The following PCCA variants were observed in gnomAD, a reference collection of about 807,000 sequenced individuals.
The protein encoded by PCCA is propionyl-CoA carboxylase subunit alpha, also known as propionyl-CoA carboxylase alpha chain, mitochondrial.
Under a neutral mutation model 101.3 loss-of-function variants are expected in PCCA, and 74 were observed. The observed-to-expected ratio is 0.73, with a 90% CI of 0.61 to 0.89. PCCA has a LOEUF of 0.89. Ranked by LOEUF, PCCA falls within the 40% of genes least tolerant of loss-of-function variation. The probability of loss-of-function intolerance (pLI) is 0.00; values close to 1 mark genes in which losing one functional copy is unlikely to be tolerated. For missense variants in PCCA, 891 were observed against 907.0 expected (o/e 0.98, Z 0.23); for synonymous variants, 294 against 313.6 (o/e 0.94, Z 0.66).
chr13:100,432,828 T>G (rs1425353324), intron 20 of PCCA, among the ~76,000 whole-genome samples: 1 of 152,194 alleles, frequency 6.6e-6, no homozygotes, highest in Non-Finnish European at 1.5e-5. Flanking sequence ...TAGAAACCAC[T>G]TTCTGTTTCT....
At chr13:100,269,330 G>C (rs2063153129) in intron 11 of PCCA, among the ~76,000 whole-genome samples, 1 of 152,182 alleles carries the variant, frequency 6.6e-6, no homozygotes, top group South Asian at 2.1e-4. Context: ...AAGTTGGGTA[G>C]ACAGCCAACT....
At chr13:100,416,310 T>A (rs1025938468) in intron 19 of PCCA, among the ~76,000 whole-genome samples, 3 of 150,530 alleles carry the variant, frequency 2.0e-5, no homozygotes, top group Non-Finnish European at 4.4e-5. Context: ...GCCTCTTGAG[T>A]AGCTGGGATT....
chr13:100,165,615 C>T (rs922271069), intron 6 of PCCA, among the ~76,000 whole-genome samples: 2 of 152,118 alleles, frequency 1.3e-5, no homozygotes, highest in African/African-American at 4.8e-5. Context: ...TTGTTTTTAA[C>T]ATATTTATTC....
At chr13:100,462,472 C>T (rs1171965181) in intron 21 of PCCA, among the ~76,000 whole-genome samples, 2 of 152,158 alleles carry the variant, frequency 1.3e-5, no homozygotes, top group East Asian at 3.9e-4. Flanking sequence ...TGATACCATG[C>T]AAACATGGTA....
intron 21 of PCCA, among the ~76,000 whole-genome samples, chr13:100,452,258 CCTGTCT>C (rs1298253034): frequency 2.0e-5 from 3 of 151,716 alleles, no homozygotes; most frequent in Non-Finnish European, 4.4e-5. Flanking sequence ...CTCCCTCTCC[CCTGTCT>C]CTGTCTCTGT....
chr13:100,509,226 C>T (rs1194962690), intron 21 of PCCA, among the ~76,000 whole-genome samples: 1 of 152,198 alleles, frequency 6.6e-6, no homozygotes, highest in Non-Finnish European at 1.5e-5. Flanking sequence ...ACGCTGAGAA[C>T]TGGAGCTGCT....
chr13:100,348,833 CTCT>C (rs745681620), intron 18 of PCCA, among the ~76,000 whole-genome samples: 20 of 134,904 alleles, frequency 1.5e-4, no homozygotes, highest in Non-Finnish European at 2.6e-4. Flanking sequence ...TCTTTTCTCT[CTCT>C]TTTTCTCTTT....
chr13:100,152,959 A>C (rs370585467), intron 4 of PCCA, among the ~76,000 whole-genome samples: 15 of 152,320 alleles, frequency 9.8e-5, no homozygotes, highest in East Asian at 5.8e-4. Flanking sequence ...ACATAAACAC[A>C]TGTGCCTATG....
intron 8 of PCCA, among the ~76,000 whole-genome samples, chr13:100,240,583 A>G (rs921952868): frequency 4.0e-5 from 6 of 151,896 alleles, no homozygotes; most frequent in African/African-American, 1.2e-4. Context: ...TGATTTGCAG[A>G]TTTTTTTTAT....
At chr13:100,335,205 C>T (rs1331465909) in intron 17 of PCCA, among the ~76,000 whole-genome samples, 1 of 152,158 alleles carries the variant, frequency 6.6e-6, no homozygotes, top group East Asian at 1.9e-4. Flanking sequence ...ACCATATATA[C>T]TCCTTTTGAG....
intron 8 of PCCA, among the ~76,000 whole-genome samples, chr13:100,238,129 G>A (rs1352204029): frequency 3.3e-5 from 5 of 151,624 alleles, no homozygotes; most frequent in Non-Finnish European, 5.9e-5. Context: ...TAGTAGAGAC[G>A]GGGTTTCACC....
chr13:100,294,113 G>C (rs2065337827), intron 12 of PCCA, among the ~76,000 whole-genome samples: 1 of 152,116 alleles, frequency 6.6e-6, no homozygotes, highest in African/African-American at 2.4e-5. Flanking sequence ...GGCCTTTCTC[G>C]TTGCTTGTGG....
chr13:100,372,641 TC>T (rs766115378), intron 19 of PCCA, among the ~76,000 whole-genome samples: 1 of 152,102 alleles, frequency 6.6e-6, no homozygotes, highest in Non-Finnish European at 1.5e-5. Context: ...TCTGTTTTTT[TC>T]CCAAAGTAAC....
chr13:100,117,596 G>C (rs116514723), intron 4 of PCCA, among the ~76,000 whole-genome samples: 5 of 152,082 alleles, frequency 3.3e-5, no homozygotes, highest in African/African-American at 1.2e-4. Context: ...ACACAGGGTA[G>C]GGAACATCAC....
At chr13:100,324,049 T>C (rs370263940) in intron 16 of PCCA, among the ~76,000 whole-genome samples, 7 of 152,256 alleles carry the variant, frequency 4.6e-5, no homozygotes, top group African/African-American at 1.7e-4. Flanking sequence ...ATGGTACAGA[T>C]TAGAACCATA....
chr13:100,341,544 G>C (rs2071317568), intron 18 of PCCA, among the ~76,000 whole-genome samples: 1 of 152,178 alleles, frequency 6.6e-6, no homozygotes, highest in African/African-American at 2.4e-5. Flanking sequence ...GCCACGCGTG[G>C]TTAGCAGCTC....
intron 18 of PCCA, among the ~76,000 whole-genome samples, chr13:100,355,128 C>T (rs2073833571): frequency 6.6e-6 from 1 of 151,966 alleles, no homozygotes; most frequent in South Asian, 2.1e-4. Flanking sequence ...TGAGGTTTCT[C>T]CTAGAGATAC....
At chr13:100,261,281 A>G (rs764607172) in intron 9 of PCCA, among the ~76,000 whole-genome samples, 6 of 152,088 alleles carry the variant, frequency 3.9e-5, no homozygotes, top group Non-Finnish European at 8.8e-5. Flanking sequence ...ATTAAATTTT[A>G]TATGCTGATT....
chr13:100,092,943 T>C (rs1462005338), intron 1 of PCCA, among the ~76,000 whole-genome samples: 2 of 152,232 alleles, frequency 1.3e-5, no homozygotes, highest in Non-Finnish European at 2.9e-5. Context: ...TATATATTTA[T>C]ACATCTACCA....
Sources: allele counts gnomAD v4.1 joint callset (sites outside exome capture counted in the v4.1 genomes callset), GRCh38; gene constraint gnomAD v4.1.1; transcripts MANE v1.5; gene names NCBI Gene and HGNC (gene_info 2026-07-23, HGNC 2026-07-21).